The following GALNT5 variants were observed in gnomAD, a reference collection of about 807,000 sequenced individuals.
GALNT5 encodes the protein UDP-GalNAc:polypeptide N-acetylgalactosaminyltransferase 5.
A neutral mutation model predicts 85.4 loss-of-function variants in GALNT5; 72 were observed. The ratio of observed to expected loss-of-function variants is 0.84; its 90% CI spans 0.70 to 1.03. GALNT5 has a LOEUF of 1.03. Ranked by LOEUF, GALNT5 falls within the 50% of genes least tolerant of loss-of-function variation. The probability of loss-of-function intolerance (pLI) is 0.00; values close to 1 mark genes in which losing one functional copy is unlikely to be tolerated. For missense variants in GALNT5, 1,137 were observed against 1,135.5 expected (o/e 1.00, Z -0.02); for synonymous variants, 404 against 397.0 (o/e 1.02, Z -0.21).
chr2:157,286,132 C>G lies in GALNT5; in HGVS notation c.1739C>G (p.Thr580Arg). The G allele has an allele frequency of 6.2e-7, 1 of 1,612,400 alleles. No individual in the cohort carries two copies. Among genetic ancestry groups the G allele is most frequent in the Non-Finnish European group, 8.5e-7 (1 of 1,178,764 alleles). Residue 580 changes from threonine to arginine, a missense_variant and splice_region_variant, in exon 3 of 10, where the codon ACA becomes AGA. Coordinates refer to ENST00000259056, the MANE Select transcript of GALNT5 (RefSeq NM_014568.3). ...AGGCTGGCAGGAGCACAGAATGCAA[C>G]AGGTAAGAAGTTACTCATTTTTTTG... ...RARLAGAQNATGDVLTFLDSH... is the reference protein window; with the variant it reads ...RARLAGAQNARGDVLTFLDSH...
intron 3 of GALNT5, 84 bp downstream of exon 3, chr2:157,286,218 C>A: frequency 8.7e-7 from 1 of 1,145,502 alleles, no homozygotes; most frequent in Non-Finnish European, 1.3e-6. Flanking sequence ...TGTGAAAGAC[C>A]AGCACAATGA....
chr2:157,285,731 C>T (rs191294632), intron 2 of GALNT5, among the ~76,000 whole-genome samples: 3 of 152,216 alleles, frequency 2.0e-5, no homozygotes, highest in Admixed American at 2.0e-4. Flanking sequence ...CAAATCTGCC[C>T]CCACCTTGAC....
At chr2:157,298,723 A>C (rs1347708261) in intron 5 of GALNT5, 1 of 152,260 alleles carries the variant, frequency 6.6e-6, no homozygotes. Flanking sequence ...AAATACCCAG[A>C]ACCTGGACAA....
At position 157,308,689 on chromosome 2, in the gene GALNT5, A is replaced by G; in HGVS notation, c.2643A>G (p.Lys881=). 6.2e-7 allele frequency: 1 copy of G among 1,613,624 alleles called. No homozygotes were observed. Among genetic ancestry groups the G allele is most frequent in the Non-Finnish European group, 8.5e-7 (1 of 1,179,812 alleles). Reference sequence around the variant, plus strand: ...GTGATAACAGAAACAAAGGGCTAAAATGGCTGCATAAATCAACATCAGTCT... The same window carrying G: ...GTGATAACAGAAACAAAGGGCTAAAGTGGCTGCATAAATCAACATCAGTCT... ...HPCDNRNKGL[K]WLHKSTSVFH... Residue 881 remains lysine, a synonymous_variant, in exon 9 of 10, where the codon AAA becomes AAG. Transcript: ENST00000259056.
chr2:157,298,914 C>T (rs1341038883), intron 5 of GALNT5: 1 of 148,640 alleles, frequency 6.7e-6, no homozygotes, highest in East Asian at 2.0e-4. Flanking sequence ...GTAGAGAGCG[C>T]AGCTACTCAT....
At chr2:157,306,435 G>T (rs533116888) in intron 8 of GALNT5, among the ~76,000 whole-genome samples, 2 of 152,118 alleles carry the variant, frequency 1.3e-5, no homozygotes, top group Admixed American at 6.5e-5. Flanking sequence ...AACTCAGAGC[G>T]CAATGGTTAG....
intron 5 of GALNT5, among the ~76,000 whole-genome samples, chr2:157,298,430 G>C (rs1336621203): frequency 6.6e-6 from 1 of 152,156 alleles, no homozygotes; most frequent in South Asian, 2.1e-4. Context: ...TCTCTGCCTT[G>C]GACTGGCCAA....
chr2:157,262,368 A>G (rs970937868), intron 1 of GALNT5, among the ~76,000 whole-genome samples: 2 of 152,144 alleles, frequency 1.3e-5, no homozygotes, highest in Non-Finnish European at 2.9e-5. Context: ...CAGGCATGGT[A>G]GCTCAAGCCT....
At chr2:157,271,660 C>T (rs1349279349) in intron 1 of GALNT5, among the ~76,000 whole-genome samples, 3 of 151,958 alleles carry the variant, frequency 2.0e-5, no homozygotes, top group African/African-American at 4.8e-5. Context: ...AGGTGGGTGG[C>T]GATGCCATTA....
In GALNT5 at chr2:157,311,561, GC is replaced by G; in HGVS notation, c.*215del. ...TGAAGTCCTTCTTCGGAACTGGGTG[GC>G]CTTTGAATTGCCTGCTTTCCACCCT... On this transcript the variant is annotated 3_prime_UTR_variant, in exon 10 of 10. Transcript: ENST00000259056. The G allele has an allele frequency of 2.3e-6, 1 of 434,458 alleles. No individual in the cohort carries two copies. Among genetic ancestry groups the G allele is most frequent in the Non-Finnish European group, 4.1e-6 (1 of 246,676 alleles). 26.9% of individuals were successfully genotyped at this position (434,458 alleles called of 1,614,324 possible).
chr2:157,275,745 T>A (rs1343187511), intron 1 of GALNT5, among the ~76,000 whole-genome samples: 2 of 152,360 alleles, frequency 1.3e-5, no homozygotes, highest in African/African-American at 2.4e-5. Flanking sequence ...TGGAGTTTTT[T>A]AAATATACAA....
chr2:157,294,734 G>C (rs1016295959), intron 3 of GALNT5, among the ~76,000 whole-genome samples: 1 of 151,632 alleles, frequency 6.6e-6, no homozygotes, highest in Admixed American at 6.6e-5. Context: ...TGTGGACCAG[G>C]AGCTTATTTC....
chr2:157,286,924 G>A (rs1247021421), intron 3 of GALNT5, among the ~76,000 whole-genome samples: 1 of 151,312 alleles, frequency 6.6e-6, no homozygotes, highest in Non-Finnish European at 1.5e-5. Context: ...GTGTGTGTGT[G>A]TGTGTGTGTG....
intron 1 of GALNT5, among the ~76,000 whole-genome samples, chr2:157,269,381 A>G (rs142865031): frequency 4.0e-4 from 61 of 152,332 alleles, no homozygotes; most frequent in African/African-American, 1.5e-3. Flanking sequence ...AATCTCAGGC[A>G]TCTCTTTTGG....
chr2:157,281,721 C>T lies in GALNT5; in HGVS notation c.1455-2561C>T, dbSNP rs564258211. 8.5e-5 allele frequency among the ~76,000 whole-genome samples: 13 copies of T among 152,202 alleles called. No individual in the cohort carries two copies. In the East Asian group the frequency reaches 1.9e-3, roughly 23 times the overall value. ...GCATTGTAAGTACTTCTGGTGCAGG[C>T]TTAGAAGGAAATATAGAGCACATGA... is the stretch of plus-strand genomic sequence containing the variant. On this transcript the variant is annotated intron_variant, in intron 1 of 9. Coordinates refer to ENST00000259056, the MANE Select transcript of GALNT5 (RefSeq NM_014568.3).
chr2:157,284,332 T>G lies in GALNT5; in HGVS notation c.1505T>G (p.Met502Arg). 1 of 1,614,072 alleles carries G rather than the reference T, an allele frequency of 6.2e-7. No individual in the cohort carries two copies. The highest frequency in any genetic ancestry group is 2.2e-5 in the East Asian group (1 of 44,880). Residue 502 changes from methionine to arginine, a missense_variant, in exon 2 of 10, where the codon ATG becomes AGG. Met to Arg is a moderately conservative substitution (Grantham distance 91). Coordinates refer to ENST00000259056, the MANE Select transcript of GALNT5 (RefSeq NM_014568.3). ...AACCTCCCAACCACCAGTGTCATCA[T>G]GTGCTTTGTGGATGAAGTGTGGTCC... ...HNNLPTTSVI[M>R]CFVDEVWSTL...
intron 3 of GALNT5, among the ~76,000 whole-genome samples, chr2:157,290,087 GTATATATATA>G (rs55861093): frequency 6.1e-5 from 8 of 131,658 alleles, no homozygotes; most frequent in Admixed American, 2.2e-4. Context: ...AAAAAAAAAT[GTATATATATA>G]TATATATATA....
At chr2:157,269,984 T>C (rs538366108) in intron 1 of GALNT5, among the ~76,000 whole-genome samples, 9 of 152,176 alleles carry the variant, frequency 5.9e-5, no homozygotes, top group African/African-American at 1.9e-4. Context: ...CCAAATACCA[T>C]TAAAAAAAAT....
At chr2:157,268,998 A>G (rs1221405599) in intron 1 of GALNT5, among the ~76,000 whole-genome samples, 1 of 152,218 alleles carries the variant, frequency 6.6e-6, no homozygotes, top group Non-Finnish European at 1.5e-5. Context: ...TTAAGGAAAA[A>G]CTGAAATAAA....
Sources: allele counts gnomAD v4.1 joint callset (sites outside exome capture counted in the v4.1 genomes callset), GRCh38; gene constraint gnomAD v4.1.1; transcripts MANE v1.5; gene names NCBI Gene and HGNC (gene_info 2026-07-23, HGNC 2026-07-21).